Variants in NFKBIB observed in about 807,000 individuals in gnomAD.
NFKBIB encodes the protein NFKB inhibitor beta, also known as NF-kappa-B inhibitor beta.
Under a neutral mutation model 32.1 loss-of-function variants are expected in NFKBIB, and 16 were observed. The ratio of observed to expected loss-of-function variants is 0.50; its 90% CI spans 0.34 to 0.76. NFKBIB has a LOEUF of 0.76. Among genes scored for constraint, NFKBIB ranks in the 30% least tolerant of loss-of-function variants. The probability of loss-of-function intolerance (pLI) is 0.01; values close to 1 mark genes in which losing one functional copy is unlikely to be tolerated. For synonymous variants in NFKBIB, 222 were observed against 219.5 expected (o/e 1.01, Z -0.10); for missense variants, 437 against 514.9 (o/e 0.85, Z 1.46).
rs774302544 is a variant in NFKBIB, at chr19:38,905,578, C to T, written c.619+43C>T. The T allele has an allele frequency of 3.4e-6, 5 of 1,476,704 alleles. No individual in the cohort carries two copies. Among genetic ancestry groups the T allele is most frequent in the Admixed American group, 2.0e-5 (1 of 49,886 alleles). 91.5% of individuals were successfully genotyped at this position (1,476,704 alleles called of 1,614,324 possible). ...GGAAGGACTCAGCTCCTGGGCTAGG[C>T]GAGAGCACCTGGCCCTGGGCTCAGC... On this transcript the variant is annotated intron_variant, in intron 3 of 5. Transcript: ENST00000313582. This position sits in a 1 kb window ranked among gnomAD's most constrained non-coding sequence, Gnocchi z 5.5.
Position 38,908,779 on chromosome 19 carries a change from C to T in NFKBIB, c.1018C>T (p.Leu340=), listed in dbSNP as rs774321298. ...TCACAGCAGCCGCAGCCAAACCCGG[C>T]TGCCTCCCACCCCAGCCTCAAAACC... ...VVHSSRSQTR[L]PPTPASKPLP... is the part of the protein sequence containing the mutation. Residue 340 remains leucine (L), a synonymous_variant, in exon 6 of 6, where the codon CTG becomes TTG. Transcript: ENST00000313582. The T allele has an allele frequency of 1.5e-5, 24 of 1,613,662 alleles. No individual in the cohort carries two copies. Among genetic ancestry groups the T allele is most frequent in the Non-Finnish European group, 2.0e-5 (24 of 1,179,906 alleles).
At chr19:38,902,219 T>C (rs903896995) in intron 1 of NFKBIB, among the ~76,000 whole-genome samples, 8 of 151,756 alleles carry the variant, frequency 5.3e-5, no homozygotes, top group African/African-American at 1.9e-4. Flanking sequence ...TAGCTGGGAC[T>C]ACAGGCACCT....
At chr19:38,901,232 T>C (rs1394449012) in intron 1 of NFKBIB, among the ~76,000 whole-genome samples, 1 of 131,492 alleles carries the variant, frequency 7.6e-6, no homozygotes, top group Non-Finnish European at 1.5e-5. Flanking sequence ...TTAATTTTCA[T>C]TAAATTTCAT....
Position 38,907,658 on chromosome 19 carries a change from G to C in NFKBIB, c.968G>C (p.Gly323Ala), listed in dbSNP as rs1214959050. 3 of 1,600,278 alleles carry C rather than the reference G, an allele frequency of 1.9e-6. No individual in the cohort carries two copies. Among genetic ancestry groups the C allele is most frequent in the Non-Finnish European group, 2.6e-6 (3 of 1,173,812 alleles). ...AGCGACAGCGACAGCGGAGACGAGG[G>C]CGTGAGTCAGGAGGAGAGACAGGGC... The part of the protein sequence containing the change: ...SSSDSDSGDE[G>A]DEYDDIVVHS... Residue 323 changes from glycine to alanine, a missense_variant and splice_region_variant, in exon 5 of 6, where the codon GGC (glycine) becomes GCC (alanine). Physicochemically the swap from Gly to Ala is moderately conservative, Grantham distance 60. Coordinates refer to ENST00000313582, the MANE Select transcript of NFKBIB (RefSeq NM_002503.5).
chr19:38,905,425 C>T lies in NFKBIB; in HGVS notation c.509C>T (p.Pro170Leu). 6.2e-7 allele frequency: 1 copy of T among 1,613,960 alleles called. No homozygotes were observed. Among genetic ancestry groups the T allele is most frequent in the South Asian group, 1.1e-5 (1 of 91,086 alleles). The stretch of plus-strand genomic sequence containing the variant: ...CTCGCTCAGGGCCCTGACCGTACTC[C>T]CGACACCAACCATACCCCTGTCGCC... The part of the protein sequence containing the change: ...TYLAQGPDRT[P>L]DTNHTPVALY... Residue 170 changes from proline (P) to leucine (L), a missense_variant, in exon 3 of 6, where the codon CCC (proline) becomes CTC (leucine). By Grantham distance (98) the Pro-to-Leu change is moderately conservative (BLOSUM62 -3). Transcript: ENST00000313582. This position sits in a 1 kb window ranked among gnomAD's most constrained non-coding sequence, Gnocchi z 5.5.
At chr19:38,907,092 C>T (rs1974151472) in intron 3 of NFKBIB, 129 bp from the exon 4 acceptor site, 4 of 831,050 alleles carry the variant, frequency 4.8e-6, no homozygotes, top group South Asian at 3.5e-5. Context: ...TTTGCCATAC[C>T]CAAGAATTCA....
upstream of NFKBIB, chr19:38,899,920 G>A: frequency 9.0e-7 from 1 of 1,106,598 alleles, no homozygotes; most frequent in East Asian, 2.6e-5. Context: ...ATTATCATTG[G>A]GTGAATCAGG....
upstream of NFKBIB, chr19:38,899,952 G>T (rs1028354915): frequency 1.7e-5 from 23 of 1,380,338 alleles, no homozygotes; most frequent in East Asian, 4.1e-4. Context: ...GGAATTTCCC[G>T]CAGGGCGGAA....
chr19:38,906,522 T>C (rs1015102441), intron 3 of NFKBIB, among the ~76,000 whole-genome samples: 115 of 136,426 alleles, frequency 8.4e-4, no homozygotes, highest in African/African-American at 3.2e-3. Flanking sequence ...CAGGCTGGAG[T>C]GCAGTGGCGC....
At chr19:38,900,296 C>A in intron 1 of NFKBIB, 85 bp downstream of exon 1, 2 of 1,376,474 alleles carry the variant, frequency 1.5e-6, no homozygotes, top group Non-Finnish European at 1.9e-6. Context: ...GGCTTCCTAA[C>A]CTCATACTCC....
In NFKBIB at chr19:38,900,022, C is replaced by A; in HGVS notation, c.-11C>A. 1 of 1,456,942 alleles carries A rather than the reference C, an allele frequency of 6.9e-7. No homozygotes were observed. The highest frequency in any genetic ancestry group is 9.0e-7 in the Non-Finnish European group (1 of 1,107,066). The allele number at this position is 1,456,942 out of a possible 1,614,324, so 90.3% of individuals were successfully genotyped here. A position where few individuals can be genotyped will look rare whatever the true frequency, so the allele number is the denominator to read the frequency against. On this transcript the variant is annotated 5_prime_UTR_variant, in exon 1 of 6. Coordinates refer to ENST00000313582, the MANE Select transcript of NFKBIB (RefSeq NM_002503.5). ...GGGCGACTGCGGGGGGCCCCTGAGG[C>A]GGCGGGGGCCATGGCTGGGGTCGCG... is the stretch of plus-strand genomic sequence containing the variant.
Position 38,907,617 on chromosome 19 carries a change from C to T in NFKBIB, c.927C>T (p.Gly309=), listed in dbSNP as rs970773369. ...PEPEGEDEKS[G]PCSSSSDSDS... ...CCGAGGGCGAGGACGAGAAATCCGGCCCCTGCAGCAGCAGTAGCGACAGCG... is the reference window on the plus strand; with the variant it reads ...CCGAGGGCGAGGACGAGAAATCCGGTCCCTGCAGCAGCAGTAGCGACAGCG... The change falls in exon 5 of 6, where the codon GGC becomes GGT. Residue 309 remains glycine, a synonymous_variant. Coordinates refer to ENST00000313582, the MANE Select transcript of NFKBIB (RefSeq NM_002503.5). The T allele has an allele frequency of 1.8e-5, 29 of 1,611,014 alleles. No homozygotes were observed. The highest frequency in any genetic ancestry group is 2.4e-5 in the Non-Finnish European group (28 of 1,179,172).
At position 38,907,526 on chromosome 19, in the gene NFKBIB, G is replaced by A. The variant is rs895296346; in HGVS notation, c.836G>A (p.Gly279Asp). 10 of 1,612,574 alleles carry A rather than the reference G, an allele frequency of 6.2e-6. No homozygotes were observed. Among genetic ancestry groups the A allele is most frequent in the Admixed American group, 1.7e-5 (1 of 60,008 alleles). The part of the protein sequence containing the change: ...ARMYGGRTPL[G>D]SAMLRPNPIL... Reference sequence around the variant, plus strand: ...ATGTACGGTGGCCGCACCCCACTCGGCAGTGCCATGCTCCGGCCCAACCCC... The same window carrying A: ...ATGTACGGTGGCCGCACCCCACTCGACAGTGCCATGCTCCGGCCCAACCCC... Residue 279 changes from glycine (G) to aspartate (D), a missense_variant, in exon 5 of 6, where the codon GGC becomes GAC. By Grantham distance (94) the Gly-to-Asp change is moderately conservative. Transcript: ENST00000313582.
chr19:38,899,724 A>G, upstream of NFKBIB: 1 of 781,750 alleles, frequency 1.3e-6, no homozygotes. Flanking sequence ...TACAACACCC[A>G]GAGCGCCCCA....
chr19:38,906,158 G>A (rs1282656710), intron 3 of NFKBIB, among the ~76,000 whole-genome samples: 5 of 97,908 alleles, frequency 5.1e-5, no homozygotes, highest in Admixed American at 1.1e-4. Context: ...TTTTTTTTGA[G>A]ACAGTCTCAC....
intron 1 of NFKBIB, among the ~76,000 whole-genome samples, chr19:38,902,806 G>T (rs192940515): frequency 6.6e-6 from 1 of 152,338 alleles, no homozygotes; most frequent in Non-Finnish European, 1.5e-5. Context: ...GCTGGGCTCA[G>T]TGGCTCATGC....
chr19:38,902,081 A>C (rs17883178), intron 1 of NFKBIB, among the ~76,000 whole-genome samples: 1,122 of 56,516 alleles, frequency 0.02, 58 homozygotes, highest in African/African-American at 0.058. Context: ...TTTTCATTTT[A>C]TTTCTTTTTT....
intron 1 of NFKBIB, among the ~76,000 whole-genome samples, chr19:38,903,531 G>T (rs8104364): frequency 6.6e-6 from 1 of 151,968 alleles, no homozygotes; most frequent in Non-Finnish European, 1.5e-5. Context: ...CAAGTGATCT[G>T]CCCGCCTTGG....
At chr19:38,901,162 G>A (rs1365964530) in intron 1 of NFKBIB, among the ~76,000 whole-genome samples, 5 of 152,210 alleles carry the variant, frequency 3.3e-5, no homozygotes, top group Non-Finnish European at 5.9e-5. Flanking sequence ...GCCCAGTGAT[G>A]CAAGCAGGGC....
Sources: gnomAD v4.1 joint callset for allele counts (sites outside exome capture counted in the v4.1 genomes callset) on GRCh38, gnomAD v4.1.1 for gene constraint, Gnocchi (gnomAD v3.1) non-coding constraint, MANE v1.5 for transcripts, NCBI Gene and HGNC (gene_info 2026-07-23, HGNC 2026-07-21) for gene names.